RNF180: variants seen among roughly 807,000 people sequenced by gnomAD.
RNF180 encodes E3 ubiquitin-protein ligase RNF180.
In RNF180, 38 loss-of-function variants were observed where a neutral mutation model predicts 59.2. The ratio of observed to expected loss-of-function variants is 0.64; its 90% CI spans 0.50 to 0.84. RNF180 has a LOEUF of 0.84. Among genes scored for constraint, RNF180 ranks in the 40% least tolerant of loss-of-function variants. RNF180 has a pLI of 0.00. For synonymous variants in RNF180, 262 were observed against 240.3 expected, an observed-to-expected ratio of 1.09 and a Z score of -0.84; for missense variants, 705 against 700.9, an observed-to-expected ratio of 1.01 and a Z score of -0.07.
rs145217187 is a variant in RNF180, at chr5:64,259,157, T to G, written c.1227+41761T>G. 4.6e-3 allele frequency among the ~76,000 whole-genome samples: 707 copies of G among 152,170 alleles called. 5 individuals are homozygous for G. Among genetic ancestry groups the G allele is most frequent in the African/African-American group, 0.016 (683 of 41,496 alleles). On this transcript the variant is annotated intron_variant, in intron 5 of 7. Transcript: ENST00000389100. ...CTCCTTTCTCTTGAGGAACATGCTG[T>G]TGGAGGAGCCATCTTTCATAAGAAG...
chr5:64,265,043 TC>T (rs1210824053), intron 5 of RNF180, among the ~76,000 whole-genome samples: 2 of 152,216 alleles, frequency 1.3e-5, no homozygotes, highest in Non-Finnish European at 1.5e-5. Flanking sequence ...AAGTTTCTGT[TC>T]ATGTCCTTCG....
At chr5:64,291,994 TC>T (rs1215579906) in intron 5 of RNF180, among the ~76,000 whole-genome samples, 1 of 152,170 alleles carries the variant, frequency 6.6e-6, no homozygotes, top group Admixed American at 6.5e-5. Flanking sequence ...CAGTTATGCT[TC>T]TCTCTAAGCT....
In RNF180 at chr5:64,185,962, A is replaced by T. The variant is rs557883760; in HGVS notation, c.1-14846A>T. The stretch of plus-strand genomic sequence containing the variant: ...AATGTAAAACTCTCTTTTGGGGAAG[A>T]TGGTGGGATAAGTAAGTAAACAAGC... On this transcript the variant is annotated intron_variant, in intron 1 of 7. Transcript: ENST00000389100. 2.0e-5 allele frequency among the ~76,000 whole-genome samples: 3 copies of T among 152,334 alleles called. No individual in the cohort carries two copies. The South Asian group carries it at 6.2e-4, about 32-fold the overall frequency.
chr5:64,266,609 C>T (rs942385995), intron 5 of RNF180, among the ~76,000 whole-genome samples: 2 of 152,012 alleles, frequency 1.3e-5, no homozygotes, highest in African/African-American at 2.4e-5. Context: ...TGTATTTCTT[C>T]GAATTGTAGG....
intron 5 of RNF180, among the ~76,000 whole-genome samples, chr5:64,236,591 A>C (rs1276533137): frequency 6.6e-6 from 1 of 152,196 alleles, no homozygotes; most frequent in Admixed American, 6.5e-5. Flanking sequence ...AGTAATGAGA[A>C]GATGAATATT....
At chr5:64,212,851 T>C (rs1159879187) in intron 3 of RNF180, among the ~76,000 whole-genome samples, 1 of 152,220 alleles carries the variant, frequency 6.6e-6, no homozygotes, top group East Asian at 1.9e-4. Flanking sequence ...CTGAGCAGCT[T>C]AATTATTTGT....
chr5:64,197,784 G>A (rs1751533420), intron 1 of RNF180, among the ~76,000 whole-genome samples: 1 of 152,158 alleles, frequency 6.6e-6, no homozygotes. Flanking sequence ...TTACTTGAAT[G>A]ATTGGCAAAC....
chr5:64,257,706 G>T (rs932628652), intron 5 of RNF180, among the ~76,000 whole-genome samples: 7 of 152,114 alleles, frequency 4.6e-5, no homozygotes, highest in South Asian at 2.1e-4. Context: ...GTATCAGGAT[G>T]ATGCTGGCCT....
intron 7 of RNF180, among the ~76,000 whole-genome samples, chr5:64,340,540 A>T (rs1488826878): frequency 6.6e-6 from 1 of 152,236 alleles, no homozygotes; most frequent in African/African-American, 2.4e-5. Flanking sequence ...CATGAGTGTG[A>T]ATATAACGCA....
intron 1 of RNF180, among the ~76,000 whole-genome samples, chr5:64,170,606 G>T (rs528840645): frequency 1.3e-5 from 2 of 152,236 alleles, no homozygotes; most frequent in South Asian, 2.1e-4. Context: ...AAATTAAGAG[G>T]GATAAGAATC....
intron 1 of RNF180, among the ~76,000 whole-genome samples, chr5:64,176,448 G>A (rs1185510299): frequency 6.6e-6 from 1 of 151,764 alleles, no homozygotes; most frequent in Non-Finnish European, 1.5e-5. Flanking sequence ...GTCTCTTCTC[G>A]AAAAAATCCC....
intron 5 of RNF180, among the ~76,000 whole-genome samples, chr5:64,270,589 T>C (rs1741341554): frequency 6.6e-6 from 1 of 152,166 alleles, no homozygotes; most frequent in South Asian, 2.1e-4. Flanking sequence ...CCCATTGTGC[T>C]GATAAGTACA....
At chr5:64,256,155 G>T (rs1159220487) in intron 5 of RNF180, among the ~76,000 whole-genome samples, 1 of 151,890 alleles carries the variant, frequency 6.6e-6, no homozygotes, top group African/African-American at 2.4e-5. Context: ...TAGGTTGCCT[G>T]TTCACTCTGA....
At chr5:64,215,057 C>G (rs1752543843) in intron 4 of RNF180, among the ~76,000 whole-genome samples, 1 of 151,782 alleles carries the variant, frequency 6.6e-6, no homozygotes, top group Non-Finnish European at 1.5e-5. Flanking sequence ...GGTAATTTAC[C>G]CTTATTGTAA....
Position 64,213,647 on chromosome 5 carries a change from T to C in RNF180, c.321T>C (p.Cys107=). The change falls in exon 4 of 8, where the codon TGT becomes TGC. Residue 107 remains cysteine, a synonymous_variant. Transcript: ENST00000389100. The part of the protein sequence containing the change: ...FNFVSTPKCS[C]GQLAAVHLSK... ...TTGTCAGCACTCCAAAATGTTCCTG[T>C]GGCCAGCTTGCAGCTGTACATCTCT... 6.2e-7 allele frequency: 1 copy of C among 1,614,182 alleles called. No individual in the cohort carries two copies. Among genetic ancestry groups the C allele is most frequent in the Non-Finnish European group, 8.5e-7 (1 of 1,179,998 alleles).
At chr5:64,232,892 G>C (rs941189458) in intron 5 of RNF180, among the ~76,000 whole-genome samples, 10 of 152,090 alleles carry the variant, frequency 6.6e-5, no homozygotes, top group African/African-American at 2.4e-4. Flanking sequence ...TTTTGTCTGG[G>C]GTCACCAAAC....
intron 5 of RNF180, among the ~76,000 whole-genome samples, chr5:64,277,190 A>AG (rs1554038964): frequency 0.076 from 10,682 of 140,716 alleles, 575 homozygotes; most frequent in Non-Finnish European, 0.12. Flanking sequence ...AAAAAAAAAA[A>AG]GGGGAAAAAA....
At chr5:64,325,137 A>T (rs1285436503) in intron 5 of RNF180, 49 bp from the exon 6 acceptor site, 2 of 1,216,818 alleles carry the variant, frequency 1.6e-6, no homozygotes, top group Non-Finnish European at 2.4e-6. Context: ...TATCTTAAGG[A>T]AACCAATCTC....
chr5:64,212,031 G>A (rs1752338965), intron 2 of RNF180, 34 bp from the exon 3 acceptor site: 1 of 1,165,042 alleles, frequency 8.6e-7, no homozygotes, highest in African/African-American at 1.5e-5. Context: ...TTCTGAACTG[G>A]TAATTAGTAA....
Sources: allele counts gnomAD v4.1 joint callset (sites outside exome capture counted in the v4.1 genomes callset), GRCh38; gene constraint gnomAD v4.1.1; transcripts MANE v1.5; gene names NCBI Gene and HGNC (gene_info 2026-07-23, HGNC 2026-07-21).